ADAM7: variants seen among roughly 807,000 people sequenced by gnomAD.
ADAM7 encodes the protein ADAM metallopeptidase domain 7.
In ADAM7, 97 loss-of-function variants were observed where a neutral mutation model predicts 102.9. The observed-to-expected ratio is 0.94, with a 90% confidence interval of 0.80 to 1.12. The LOEUF (loss-of-function observed/expected upper bound fraction) is 1.12, where lower values mean the gene tolerates loss of function less well. ADAM7 is among the 50% of genes most tolerant of loss of function. The pLI is 0.00. For synonymous variants in ADAM7, 334 were observed against 304.4 expected (o/e 1.10, Z -1.01); for missense variants, 991 against 908.7 (o/e 1.09, Z -1.16).
intron 3 of ADAM7, among the ~76,000 whole-genome samples, chr8:24,454,419 C>CTA (rs1421209989): frequency 6.6e-6 from 1 of 152,180 alleles, no homozygotes; most frequent in Non-Finnish European, 1.5e-5. Flanking sequence ...GCTGTGCTAG[C>CTA]AATCAGCAAG....
intron 9 of ADAM7, among the ~76,000 whole-genome samples, chr8:24,484,802 C>CTTTT (rs544478529): frequency 4.6e-4 from 42 of 91,924 alleles, no homozygotes; most frequent in East Asian, 1.3e-3. Flanking sequence ...ATTGCACTGG[C>CTTTT]TTTTTTTTTT....
chr8:24,490,765 C>A, intron 12 of ADAM7, 34 bp from the exon 13 acceptor site: 3 of 1,600,260 alleles, frequency 1.9e-6, no homozygotes, highest in Non-Finnish European at 1.7e-6. Flanking sequence ...GAGTACATAC[C>A]AATTTCTCAT....
chr8:24,455,907 A>G (rs1819014109), intron 3 of ADAM7, among the ~76,000 whole-genome samples: 1 of 152,216 alleles, frequency 6.6e-6, no homozygotes, highest in Non-Finnish European at 1.5e-5. Context: ...CATGAATACA[A>G]TGTGTAATAA....
At chr8:24,507,964 CAAT>C (rs1174472023) in intron 21 of ADAM7, among the ~76,000 whole-genome samples, 2 of 152,028 alleles carry the variant, frequency 1.3e-5, no homozygotes, top group Non-Finnish European at 2.9e-5. Context: ...CTTATCAAAT[CAAT>C]AAATGGAAGG....
chr8:24,509,504 A>G lies in ADAM7; in HGVS notation c.*958A>G. Reference sequence around the variant, plus strand: ...TCCATTTACTGAAATAAAGTTTTCAAGTTCTAAATAAAAATATTCTGACTC... The same window carrying G: ...TCCATTTACTGAAATAAAGTTTTCAGGTTCTAAATAAAAATATTCTGACTC... On this transcript the variant is annotated 3_prime_UTR_variant, in exon 22 of 22. Transcript: ENST00000175238. The G allele has an allele frequency of 1.0e-6, 1 of 983,942 alleles. No individual in the cohort carries two copies. 61.0% of individuals were successfully genotyped at this position (983,942 alleles called of 1,614,324 possible).
chr8:24,463,059 G>A (rs1027099225), intron 3 of ADAM7, among the ~76,000 whole-genome samples: 2 of 152,088 alleles, frequency 1.3e-5, no homozygotes, highest in Admixed American at 1.3e-4. Context: ...AGCCTCGAAT[G>A]CTTATTGTCT....
chr8:24,481,942 A>G (rs1663154196), intron 8 of ADAM7, among the ~76,000 whole-genome samples, 200 bp from the exon 9 acceptor site: 1 of 152,186 alleles, frequency 6.6e-6, no homozygotes, highest in South Asian at 2.1e-4. Flanking sequence ...ACCATTGCCC[A>G]GAAAATTCAC....
chr8:24,464,055 A>G, intron 4 of ADAM7, 95 bp downstream of exon 4: 1 of 1,074,790 alleles, frequency 9.3e-7, no homozygotes, highest in South Asian at 1.4e-5. Context: ...CTGTTTCAGA[A>G]AGTACTACAT....
chr8:24,468,093 A>T (rs545391137), intron 6 of ADAM7, among the ~76,000 whole-genome samples: 9 of 151,960 alleles, frequency 5.9e-5, no homozygotes, highest in East Asian at 3.9e-4. Flanking sequence ...AAATAAATTT[A>T]AAAAAAAGAT....
chr8:24,500,985 A>G, intron 19 of ADAM7, 90 bp downstream of exon 19: 4 of 1,069,632 alleles, frequency 3.7e-6, no homozygotes, highest in Non-Finnish European at 5.5e-6. Flanking sequence ...CAATGGGGGG[A>G]AGTATAAGCT....
Position 24,500,827 on chromosome 8 carries a change from T to C in ADAM7, c.2040T>C (p.Ile680=). 1 of 1,613,522 alleles carries C rather than the reference T, an allele frequency of 6.2e-7. No homozygotes were observed. The highest frequency in any genetic ancestry group is 1.1e-5 in the South Asian group (1 of 91,044). Residue 680 remains isoleucine, a synonymous_variant, in exon 19 of 22, where the codon ATT becomes ATC. Transcript: ENST00000175238. ...TGGTTGTTGTGCTTGTCCTGGTTAT[T>C]GTCGGTATCGGAGTTCTTATACTAT... ...TILVVVLVLV[I]VGIGVLILLV...
chr8:24,466,653 C>T (rs1585878124), intron 5 of ADAM7, 146 bp from the exon 6 acceptor site: 1 of 650,990 alleles, frequency 1.5e-6, no homozygotes. Context: ...CTCATATCAT[C>T]ACATTTCCTT....
At chr8:24,489,018 A>G in intron 11 of ADAM7, 141 bp from the exon 12 acceptor site, 1 of 677,472 alleles carries the variant, frequency 1.5e-6, no homozygotes, top group Non-Finnish European at 2.3e-6. Flanking sequence ...ATTTTCTATA[A>G]TAAAGGACCC....
At position 24,441,126 on chromosome 8, in the gene ADAM7, A is replaced by T; in HGVS notation, c.18A>T (p.Ile6=). ...CACTCAGAATGCTTCCCGGGTGTATATTCTTGATGATTTTACTCATTCCTC... is the reference window on the plus strand; with the variant it reads ...CACTCAGAATGCTTCCCGGGTGTATTTTCTTGATGATTTTACTCATTCCTC... MLPGC[I]FLMILLIPQV... The change falls in exon 1 of 22, where the codon ATA becomes ATT. Residue 6 remains isoleucine (I), a synonymous_variant. Transcript: ENST00000175238. 1 of 1,613,840 alleles carries T rather than the reference A, an allele frequency of 6.2e-7. No homozygotes were observed. Among genetic ancestry groups the T allele is most frequent in the South Asian group, 1.1e-5 (1 of 91,068 alleles).
In ADAM7 at chr8:24,461,246, C is replaced by A. The variant is rs531479048; in HGVS notation, c.234-2636C>A. On this transcript the variant is annotated intron_variant, in intron 3 of 21. Coordinates refer to ENST00000175238, the MANE Select transcript of ADAM7 (RefSeq NM_003817.4). Reference sequence around the variant, plus strand: ...TGATCTCGTGATCCACCCGCCTCAGCCTCCCAAAGTGTTCGGATTACAGGC... The same window carrying A: ...TGATCTCGTGATCCACCCGCCTCAGACTCCCAAAGTGTTCGGATTACAGGC... Among the ~76,000 whole-genome samples, 26 of 152,202 alleles carry A rather than the reference C, an allele frequency of 1.7e-4. No individual in the cohort carries two copies. In the East Asian group the frequency reaches 4.8e-3, roughly 28 times the overall value.
intron 7 of ADAM7, 76 bp from the exon 8 acceptor site, chr8:24,476,357 A>T (rs1189553526): frequency 5.2e-5 from 57 of 1,101,946 alleles, no homozygotes; most frequent in Non-Finnish European, 6.4e-5. Context: ...GTAATAGCTG[A>T]TGAATGAAGT....
chr8:24,507,606 C>G, intron 21 of ADAM7, 71 bp downstream of exon 21: 1 of 1,297,518 alleles, frequency 7.7e-7, no homozygotes, highest in South Asian at 1.2e-5. Flanking sequence ...GTGTTCTTTA[C>G]CAACTCATTG....
intron 3 of ADAM7, among the ~76,000 whole-genome samples, chr8:24,449,275 T>G (rs1436076433): frequency 2.6e-5 from 4 of 152,204 alleles, no homozygotes; most frequent in African/African-American, 9.7e-5. Context: ...ACCAACAATG[T>G]AAAAGTGTTC....
At chr8:24,452,906 A>G (rs1206930446) in intron 3 of ADAM7, among the ~76,000 whole-genome samples, 71 of 149,032 alleles carry the variant, frequency 4.8e-4, no homozygotes, top group Non-Finnish European at 8.4e-4. Context: ...TCCTTCACTT[A>G]TGAAGCTTAG....
Sources: gnomAD v4.1 joint callset for allele counts (sites outside exome capture counted in the v4.1 genomes callset) on GRCh38, gnomAD v4.1.1 for gene constraint, MANE v1.5 for transcripts, NCBI Gene and HGNC (gene_info 2026-07-23, HGNC 2026-07-21) for gene names.